Variants in PPP1R14C observed in about 807,000 individuals in gnomAD.
PPP1R14C encodes protein phosphatase 1 regulatory inhibitor subunit 14C, also known as protein phosphatase 1 regulatory subunit 14C.
A neutral mutation model predicts 20.4 loss-of-function variants in PPP1R14C; 16 were observed. The ratio of observed to expected loss-of-function variants is 0.78; its 90% CI spans 0.53 to 1.19. The LOEUF is 1.19. PPP1R14C is among the 50% of genes most tolerant of loss of function. The probability of loss-of-function intolerance (pLI) is 0.00; values close to 1 mark genes in which losing one functional copy is unlikely to be tolerated. For missense variants in PPP1R14C, 211 were observed against 220.1 expected (o/e 0.96, Z 0.26); for synonymous variants, 91 against 91.0 (o/e 1.00, Z 0.00).
chr6:150,229,679 T>C (rs1252217858), intron 3 of PPP1R14C, among the ~76,000 whole-genome samples: 1 of 152,052 alleles, frequency 6.6e-6, no homozygotes, highest in Admixed American at 6.6e-5. Flanking sequence ...TGGTTTTAAG[T>C]TAAAGGAGGG....
chr6:150,149,721 A>C (rs1777223966), intron 1 of PPP1R14C, among the ~76,000 whole-genome samples: 1 of 152,144 alleles, frequency 6.6e-6, no homozygotes, highest in African/African-American at 2.4e-5. Flanking sequence ...TTGGAGCCAC[A>C]AGCTGCCACT....
chr6:150,174,691 G>A (rs535843810), intron 1 of PPP1R14C, among the ~76,000 whole-genome samples: 4 of 151,478 alleles, frequency 2.6e-5, no homozygotes, highest in East Asian at 2.0e-4. Context: ...AAAGCTGGGC[G>A]CAGTGGCTCA....
chr6:150,223,357 T>C (rs1778192929), intron 3 of PPP1R14C, among the ~76,000 whole-genome samples: 1 of 152,230 alleles, frequency 6.6e-6, no homozygotes, highest in Non-Finnish European at 1.5e-5. Flanking sequence ...GTCTTTTGGG[T>C]AAATACCAAG....
chr6:150,203,487 C>G (rs1167393587), intron 1 of PPP1R14C, among the ~76,000 whole-genome samples: 1 of 152,200 alleles, frequency 6.6e-6, no homozygotes, highest in African/African-American at 2.4e-5. Flanking sequence ...TCAGTGTCTT[C>G]CAAGCGGCTT....
intron 1 of PPP1R14C, among the ~76,000 whole-genome samples, chr6:150,171,910 G>A (rs4870345): frequency 0.85 from 128,798 of 152,124 alleles, 55,024 homozygotes; most frequent in African/African-American, 0.95. Context: ...GGTTCAAATG[G>A]TTCTCCTGCC....
intron 1 of PPP1R14C, chr6:150,195,280 A>T (rs1283754970): frequency 3.2e-5 from 17 of 537,764 alleles, no homozygotes; most frequent in Non-Finnish European, 3.6e-5. Flanking sequence ...CTAAAAAAAT[A>T]AATGAAATGC....
chr6:150,169,680 G>A (rs370479140), intron 1 of PPP1R14C, among the ~76,000 whole-genome samples: 10 of 152,182 alleles, frequency 6.6e-5, no homozygotes, highest in East Asian at 3.8e-4. Context: ...TGAAAAGGCC[G>A]AAGCGGGAAG....
chr6:150,214,758 A>C lies in PPP1R14C; in HGVS notation c.321A>C (p.Pro107=), dbSNP rs757128341. The change falls in exon 2 of 4, where the codon CCA becomes CCC. Residue 107 remains proline, a synonymous_variant. Transcript: ENST00000361131. The part of the protein sequence containing the change: ...QLYGCEEEEM[P]EVEIDIDDLL... ...CTGCCCCCCAGGAAGAAGAAATGCC[A>C]GAGGTAGAAATTGACATTGATGATC... is the stretch of plus-strand genomic sequence containing the variant. 8 of 1,613,240 alleles carry C rather than the reference A, an allele frequency of 5.0e-6. No individual in the cohort carries two copies. Among genetic ancestry groups the C allele is most frequent in the Non-Finnish European group, 6.8e-6 (8 of 1,179,576 alleles).
chr6:150,153,751 G>A (rs1367191198), intron 1 of PPP1R14C, among the ~76,000 whole-genome samples: 1 of 152,214 alleles, frequency 6.6e-6, no homozygotes. Context: ...ACGTGGGTGG[G>A]TCTCTAAATC....
intron 2 of PPP1R14C, among the ~76,000 whole-genome samples, chr6:150,215,562 A>T (rs192954392): frequency 1.3e-5 from 2 of 152,340 alleles, no homozygotes; most frequent in African/African-American, 4.8e-5. Context: ...GCACATTTGA[A>T]TGTATTAATG....
intron 1 of PPP1R14C, among the ~76,000 whole-genome samples, chr6:150,167,920 T>C (rs932905858): frequency 1.5e-5 from 2 of 132,142 alleles, no homozygotes; most frequent in African/African-American, 2.8e-5. Context: ...ATAAAAGAAC[T>C]CCCCCTTTCT....
intron 1 of PPP1R14C, among the ~76,000 whole-genome samples, chr6:150,159,550 C>G (rs949946452): frequency 6.6e-6 from 1 of 152,064 alleles, no homozygotes; most frequent in African/African-American, 2.4e-5. Flanking sequence ...TCAGCCAGTG[C>G]GCTGTCCTTC....
rs370578107 is a variant in PPP1R14C at position 150,171,898 on chromosome 6, C to T, written c.306+28400C>T. 4.8e-4 allele frequency among the ~76,000 whole-genome samples: 73 copies of T among 152,162 alleles called. 1 individual carries two copies. In the South Asian group the frequency reaches 0.013, roughly 28 times the overall value. On this transcript the variant is annotated intron_variant, in intron 1 of 3. Transcript: ENST00000361131. ...TTGGCTCACCGCAACCTCTGCCTCCCGGGTTCAAATGGTTCTCCTGCCTCA... is the reference window on the plus strand; with the variant it reads ...TTGGCTCACCGCAACCTCTGCCTCCTGGGTTCAAATGGTTCTCCTGCCTCA...
intron 1 of PPP1R14C, among the ~76,000 whole-genome samples, chr6:150,178,638 A>G (rs539576347): frequency 2.0e-5 from 3 of 152,336 alleles, no homozygotes; most frequent in East Asian, 1.9e-4. Context: ...TTTTGGAATC[A>G]TTAAAGATAA....
intron 1 of PPP1R14C, among the ~76,000 whole-genome samples, chr6:150,176,504 A>G (rs1282051349): frequency 1.3e-5 from 2 of 152,182 alleles, no homozygotes; most frequent in Non-Finnish European, 2.9e-5. Flanking sequence ...TCTTACTTGA[A>G]ATACCAGATA....
intron 1 of PPP1R14C, among the ~76,000 whole-genome samples, chr6:150,203,458 T>C (rs1007829438): frequency 3.3e-5 from 5 of 152,206 alleles, no homozygotes; most frequent in African/African-American, 1.2e-4. Flanking sequence ...GGCCTTGCGA[T>C]GGGATTCACA....
chr6:150,183,306 G>A (rs1011798695), intron 1 of PPP1R14C, among the ~76,000 whole-genome samples: 8 of 152,010 alleles, frequency 5.3e-5, no homozygotes, highest in Non-Finnish European at 1.0e-4. Flanking sequence ...AAGAGGAAAT[G>A]AGTTGGTCAA....
chr6:150,225,395 C>T (rs549864981), intron 3 of PPP1R14C, among the ~76,000 whole-genome samples: 2 of 152,282 alleles, frequency 1.3e-5, no homozygotes, highest in Admixed American at 6.5e-5. Flanking sequence ...AGCAATTTGT[C>T]AATTCCAGTT....
At chr6:150,214,342 C>T (rs1778063851) in intron 1 of PPP1R14C, among the ~76,000 whole-genome samples, 1 of 152,200 alleles carries the variant, frequency 6.6e-6, no homozygotes, top group Non-Finnish European at 1.5e-5. Context: ...CCCTTATATA[C>T]TTACAGATGC....
Sources: allele counts gnomAD v4.1 joint callset (sites outside exome capture counted in the v4.1 genomes callset), GRCh38; gene constraint gnomAD v4.1.1; transcripts MANE v1.5; gene names NCBI Gene and HGNC (gene_info 2026-07-23, HGNC 2026-07-21).